Variants in RACGAP1 observed in about 807,000 individuals in gnomAD.
The protein encoded by RACGAP1 is Rac GTPase activating protein 1.
A neutral mutation model predicts 78.1 loss-of-function variants in RACGAP1; 30 were observed. The ratio of observed to expected loss-of-function variants is 0.38; its 90% CI spans 0.29 to 0.52. The LOEUF is 0.52. Ranked by LOEUF, RACGAP1 falls within the 20% of genes least tolerant of loss-of-function variation. The pLI is 0.82. For synonymous variants in RACGAP1, 231 were observed against 264.8 expected, an observed-to-expected ratio of 0.87 and a Z score of 1.24; for missense variants, 587 against 777.1, an observed-to-expected ratio of 0.76 and a Z score of 2.91.
In RACGAP1 at chr12:50,005,389, G is replaced by C; in HGVS notation, c.292C>G (p.Arg98Gly). 6.2e-7 allele frequency: 1 copy of C among 1,613,984 alleles called. No individual in the cohort carries two copies. Among genetic ancestry groups the C allele is most frequent in the Non-Finnish European group, 8.5e-7 (1 of 1,179,968 alleles). Residue 98 changes from arginine (R) to glycine (G), a missense_variant, in exon 4 of 17, where the codon CGA (arginine) becomes GGA (glycine). Physicochemically the swap from Arg to Gly is moderately radical, Grantham distance 125 (BLOSUM62 -2). Transcript: ENST00000312377. ...RAEADCEKLE[R>G]QIQLIREMLM... ...ATCTCTCGAATCAGCTGAATCTGTC[G>C]TTCCTACAGACCAAAGCAAAGTAAA...
chr12:49,995,322 T>C (rs1592137757), intron 10 of RACGAP1, among the ~76,000 whole-genome samples: 1 of 151,934 alleles, frequency 6.6e-6, no homozygotes, highest in South Asian at 2.1e-4. Flanking sequence ...CACTCCAGCC[T>C]GGGCAACAAG....
At position 50,005,319 on chromosome 12, in the gene RACGAP1, T is replaced by C. The variant is rs1948908066; in HGVS notation, c.362A>G (p.Gln121Arg). 1.9e-6 allele frequency: 3 copies of C among 1,614,130 alleles called. No homozygotes were observed. The African/African-American group carries it at 4.0e-5, about 22-fold the overall frequency. ...TSGSIQLSEE[Q>R]KSALAFLNRG... ...GTTGAGAAAAGCCAGAGCTGATTTT[T>C]GCTCCTCGCTTAGTTGAATGCTGCC... The change falls in exon 4 of 17, where the codon CAA (glutamine) becomes CGA (arginine). Residue 121 changes from glutamine to arginine, a missense_variant. Coordinates refer to ENST00000312377, the MANE Select transcript of RACGAP1 (RefSeq NM_001319999.2).
At chr12:49,991,479 A>ATATATATATATATAT (rs1555169074) in intron 15 of RACGAP1, among the ~76,000 whole-genome samples, 6 of 24,090 alleles carry the variant, frequency 2.5e-4, no homozygotes, top group Non-Finnish European at 4.2e-4. Flanking sequence ...ATATATATAT[A>ATATATATATATATAT]TTTTTTTTTT....
chr12:50,025,660 GTTTT>G, upstream of RACGAP1: 1 of 543,172 alleles, frequency 1.8e-6, no homozygotes, highest in Non-Finnish European at 2.3e-6. Flanking sequence ...CGGTTTTTCG[GTTTT>G]TTTTGTTTTT....
intron 15 of RACGAP1, among the ~76,000 whole-genome samples, chr12:49,991,479 A>ATATATATATTT (rs1555169074): frequency 4.2e-5 from 1 of 24,090 alleles, no homozygotes; most frequent in Non-Finnish European, 8.4e-5. Flanking sequence ...ATATATATAT[A>ATATATATATTT]TTTTTTTTTT....
chr12:50,011,347 A>G (rs897657284), intron 2 of RACGAP1, among the ~76,000 whole-genome samples: 29 of 151,868 alleles, frequency 1.9e-4, no homozygotes, highest in African/African-American at 2.7e-4. Flanking sequence ...AAAAAAAAAA[A>G]AAAGAAAAAA....
chr12:50,029,030 A>G (rs1950305697), upstream of RACGAP1, among the ~76,000 whole-genome samples: 3 of 152,116 alleles, frequency 2.0e-5, no homozygotes, highest in East Asian at 5.8e-4. Context: ...ATCTTGGCCA[A>G]CATGGTGAAA....
chr12:49,990,198 G>T lies in RACGAP1; in HGVS notation c.*70C>A. The T allele has an allele frequency of 7.5e-7, 1 of 1,329,054 alleles. No individual in the cohort carries two copies. The highest frequency in any genetic ancestry group is 1.1e-6 in the Non-Finnish European group (1 of 924,748). The allele number at this position is 1,329,054 out of a possible 1,614,324, so 82.3% of individuals were successfully genotyped here. A position where few individuals can be genotyped will look rare whatever the true frequency, so the allele number is the denominator to read the frequency against. On this transcript the variant is annotated 3_prime_UTR_variant, in exon 17 of 17. Transcript: ENST00000312377. Reference sequence around the variant, plus strand: ...AAAGTAGTAATGAGTACAGGAGGCTGCAGAGCAGAGTACAGATGTGTCCTT... The same window carrying T: ...AAAGTAGTAATGAGTACAGGAGGCTTCAGAGCAGAGTACAGATGTGTCCTT...
At chr12:49,997,272 C>CT (rs540814831) in intron 9 of RACGAP1, 68 bp from the exon 10 acceptor site, 133,896 of 1,102,120 alleles carry the variant, frequency 0.12, 19 homozygotes, top group Non-Finnish European at 0.13. Flanking sequence ...AATCAACTAA[C>CT]TTTTTTTTTT....
chr12:50,006,732 A>T (rs1949000715), intron 2 of RACGAP1, 96 bp from the exon 3 acceptor site: 2 of 1,272,330 alleles, frequency 1.6e-6, no homozygotes, highest in Non-Finnish European at 2.2e-6. Context: ...TGAAATTCAT[A>T]ATTAAGGAAC....
At chr12:50,012,386 C>A (rs1189453838) in intron 2 of RACGAP1, among the ~76,000 whole-genome samples, 1 of 151,614 alleles carries the variant, frequency 6.6e-6, no homozygotes, top group East Asian at 1.9e-4. Context: ...TGGTGAGATC[C>A]CGTCTCTACT....
At chr12:50,018,992 T>C (rs1949843321) in intron 1 of RACGAP1, among the ~76,000 whole-genome samples, 1 of 152,100 alleles carries the variant, frequency 6.6e-6, no homozygotes, top group African/African-American at 2.4e-5. Context: ...TTCCTGTTCA[T>C]GTCCATCAAC....
At chr12:49,997,713 G>A (rs904166430) in intron 9 of RACGAP1, among the ~76,000 whole-genome samples, 8 of 152,020 alleles carry the variant, frequency 5.3e-5, no homozygotes, top group Non-Finnish European at 1.0e-4. Flanking sequence ...AAGTAGCTGG[G>A]ATTACAGGCA....
chr12:49,996,628 TAAAAAAAAAAAAAAAA>T lies in RACGAP1; in HGVS notation c.1044+396_1044+411del, dbSNP rs57512055. ...TGCACTCCAGCCTAGGCAATAGAGC[TAAAAAAAAAAAAAAAA>T]AAAAAAAAAAAAAAAAAAAAAAAAT... On this transcript the variant is annotated intron_variant, in intron 10 of 16. Coordinates refer to ENST00000312377, the MANE Select transcript of RACGAP1 (RefSeq NM_001319999.2). 0.02 allele frequency among the ~76,000 whole-genome samples: 389 copies of T among 18,984 alleles called. 25 individuals carry two copies. The South Asian group carries it at 0.36, about 17-fold the overall frequency. The allele number at this position is 18,984 out of a possible 152,430, so 12.5% of individuals were successfully genotyped here. A position where few individuals can be genotyped will look rare whatever the true frequency, so the allele number is the denominator to read the frequency against.
At chr12:50,003,450 C>T (rs1162864299) in intron 5 of RACGAP1, among the ~76,000 whole-genome samples, 1 of 152,074 alleles carries the variant, frequency 6.6e-6, no homozygotes, top group Non-Finnish European at 1.5e-5. Flanking sequence ...ATAAAATGGC[C>T]GTATTTTCCC....
In RACGAP1 at chr12:50,001,268, A is replaced by T. The variant is rs372423799; in HGVS notation, c.550-16T>A. On this transcript the variant is annotated splice_polypyrimidine_tract_variant and intron_variant, in intron 6 of 16. Coordinates refer to ENST00000312377, the MANE Select transcript of RACGAP1 (RefSeq NM_001319999.2). ...TAGTAGAGCGCTAGAAAGGAGACAA[A>T]GACCCGTAACTTTAATGCCAAGCAG... 1 of 1,582,100 alleles carries T rather than the reference A, an allele frequency of 6.3e-7. No homozygotes were observed. Among genetic ancestry groups the T allele is most frequent in the African/African-American group, 1.3e-5 (1 of 74,154 alleles).
intron 4 of RACGAP1, among the ~76,000 whole-genome samples, chr12:50,004,567 G>GTTAT (rs979774345): frequency 2.6e-5 from 4 of 152,178 alleles, no homozygotes; most frequent in Admixed American, 2.6e-4. Context: ...GTTAGTCAGG[G>GTTAT]TTATGGGTGC....
At chr12:50,020,162 C>T (rs1041868732) in intron 1 of RACGAP1, among the ~76,000 whole-genome samples, 2 of 152,116 alleles carry the variant, frequency 1.3e-5, no homozygotes, top group African/African-American at 4.8e-5. Context: ...ACTTCACGTA[C>T]ACTTTTTCTT....
At chr12:50,001,075 ACAT>A in intron 7 of RACGAP1, 94 bp downstream of exon 7, 3 of 1,025,792 alleles carry the variant, frequency 2.9e-6, no homozygotes, top group Non-Finnish European at 4.3e-6. Flanking sequence ...CTTTAACTAA[ACAT>A]CATGTCTCTC....
Sources: gnomAD v4.1 joint callset for allele counts (sites outside exome capture counted in the v4.1 genomes callset) on GRCh38, gnomAD v4.1.1 for gene constraint, MANE v1.5 for transcripts, NCBI Gene and HGNC (gene_info 2026-07-23, HGNC 2026-07-21) for gene names.